The following PRIM2 variants were observed in gnomAD, a reference collection of about 807,000 sequenced individuals.
PRIM2 encodes DNA primase subunit 2, also known as DNA primase large subunit.
A neutral mutation model predicts 67.3 loss-of-function variants in PRIM2; 39 were observed. The observed-to-expected ratio is 0.58, with a 90% CI of 0.45 to 0.76. The LOEUF is 0.76. Ranked by LOEUF, PRIM2 falls within the 30% of genes least tolerant of loss-of-function variation. PRIM2 has a pLI of 0.00. For synonymous variants in PRIM2, 143 were observed against 198.7 expected (o/e 0.72, Z 2.36); for missense variants, 398 against 598.7 (o/e 0.66, Z 3.50).
At chr6:57,447,768 A>G (rs1449779455) in intron 7 of PRIM2, among the ~76,000 whole-genome samples, 5 of 152,252 alleles carry the variant, frequency 3.3e-5, no homozygotes, top group South Asian at 2.1e-4. Flanking sequence ...TATCTTTCAC[A>G]TGATTCATTC....
chr6:57,589,108 G>GT (rs1337414774), intron 10 of PRIM2, among the ~76,000 whole-genome samples: 1 of 152,184 alleles, frequency 6.6e-6, no homozygotes, highest in African/African-American at 2.4e-5. Context: ...GGTCCATTTA[G>GT]TTTTTTCAAA....
At chr6:57,292,919 A>G in the PRIM2 span, among the ~76,000 whole-genome samples, 1 of 152,234 alleles carries the variant, frequency 6.6e-6, no homozygotes, top group Non-Finnish European at 1.5e-5. Flanking sequence ...CATTCAGGAC[A>G]TAGGCATGGG....
intron 5 of PRIM2, among the ~76,000 whole-genome samples, chr6:57,366,643 C>T (rs1422279817): frequency 2.0e-5 from 3 of 152,072 alleles, no homozygotes; most frequent in African/African-American, 2.4e-5. Flanking sequence ...GTTGTGATGT[C>T]GACAAGATTT....
the PRIM2 span, among the ~76,000 whole-genome samples, chr6:57,257,292 A>G: frequency 2.0e-5 from 3 of 146,498 alleles, no homozygotes; most frequent in African/African-American, 7.6e-5. Flanking sequence ...TTTTTGTGAG[A>G]TGGAGTCTTG....
chr6:57,350,579 T>C (rs1768828884), intron 5 of PRIM2, among the ~76,000 whole-genome samples: 1 of 152,148 alleles, frequency 6.6e-6, no homozygotes, highest in Non-Finnish European at 1.5e-5. Context: ...CGGGGTGATC[T>C]CTTTCCCTTG....
At chr6:57,228,359 G>A in the PRIM2 span, among the ~76,000 whole-genome samples, 16 of 152,322 alleles carry the variant, frequency 1.1e-4, no homozygotes, top group Non-Finnish European at 1.6e-4. Context: ...AATGTGTAAG[G>A]CAGGTTGAGA....
intron 7 of PRIM2, among the ~76,000 whole-genome samples, chr6:57,413,206 A>T (rs1246811447): frequency 7.9e-5 from 12 of 151,930 alleles, no homozygotes; most frequent in Middle Eastern, 3.4e-3. Context: ...TGAAGGTAGA[A>T]AATTTGGTCT....
At chr6:57,335,451 T>TA (rs1435327831) in intron 5 of PRIM2, among the ~76,000 whole-genome samples, 2 of 152,044 alleles carry the variant, frequency 1.3e-5, no homozygotes, top group African/African-American at 4.8e-5. Flanking sequence ...TCTGCAGACT[T>TA]AAACGTCCCT....
At chr6:57,440,482 T>C (rs1772169705) in intron 7 of PRIM2, among the ~76,000 whole-genome samples, 2 of 152,198 alleles carry the variant, frequency 1.3e-5, no homozygotes, top group Admixed American at 6.5e-5. Context: ...GAATTAGAAG[T>C]TAATACCTGG....
intron 11 of PRIM2, among the ~76,000 whole-genome samples, chr6:57,602,055 C>T (rs1332214617): frequency 1.5e-5 from 2 of 137,394 alleles, no homozygotes; most frequent in African/African-American, 2.9e-5. Context: ...TATATATAAA[C>T]ATAGATTTTT....
intron 7 of PRIM2, among the ~76,000 whole-genome samples, chr6:57,457,061 C>G (rs1185390129): frequency 1.3e-5 from 2 of 152,142 alleles, no homozygotes; most frequent in Non-Finnish European, 2.9e-5. Context: ...CACTCCAGAC[C>G]CTGTTTGTCT....
intron 6 of PRIM2, 21 bp downstream of exon 6, chr6:57,380,017 CT>C: frequency 6.5e-7 from 1 of 1,530,872 alleles, no homozygotes. Flanking sequence ...ATGTAAAATA[CT>C]TCCTAGGTTT....
chr6:57,631,589 A>G, intron 12 of PRIM2, among the ~76,000 whole-genome samples: 1 of 152,244 alleles, frequency 6.6e-6, no homozygotes, highest in East Asian at 1.9e-4. Context: ...AAAAAGGACA[A>G]ATCTGACTGA....
rs73752124 is a variant in PRIM2 at position 57,418,117 on chromosome 6, G to A, written c.693+35949G>A. ...TTTAAAAAATGCCTCAACAAACAAG[G>A]GAGAATAGGAGGTACTTATAAAGAA... On this transcript the variant is annotated intron_variant, in intron 7 of 13. Transcript: ENST00000615550. Among the ~76,000 whole-genome samples, 131 of 152,132 alleles carry A rather than the reference G, an allele frequency of 8.6e-4. 1 individual carries two copies. Among genetic ancestry groups the A allele is most frequent in the African/African-American group, 3.0e-3 (124 of 41,518 alleles).
At chr6:57,414,059 G>A (rs1258928313) in intron 7 of PRIM2, among the ~76,000 whole-genome samples, 2 of 152,112 alleles carry the variant, frequency 1.3e-5, no homozygotes, top group Non-Finnish European at 2.9e-5. Flanking sequence ...ATTTAGTTAA[G>A]GGGGAAACAA....
At chr6:57,344,221 T>C (rs1768595330) in intron 5 of PRIM2, among the ~76,000 whole-genome samples, 1 of 151,334 alleles carries the variant, frequency 6.6e-6, no homozygotes, top group South Asian at 2.1e-4. Flanking sequence ...TCTCTGAGTG[T>C]TGAGTGAATG....
chr6:57,544,493 T>C (rs1775245437), intron 10 of PRIM2, among the ~76,000 whole-genome samples: 1 of 152,240 alleles, frequency 6.6e-6, no homozygotes, highest in South Asian at 2.1e-4. Context: ...CTCTGTCAGA[T>C]GTATTAAGTG....
chr6:57,500,651 T>A (rs1202818512), intron 7 of PRIM2, among the ~76,000 whole-genome samples: 5 of 152,350 alleles, frequency 3.3e-5, no homozygotes, highest in African/African-American at 1.2e-4. Context: ...TTTGATTAGT[T>A]AAGGCGGTCT....
chr6:57,369,032 C>T lies in PRIM2; in HGVS notation c.460-10869C>T, dbSNP rs536330226. On this transcript the variant is annotated intron_variant, in intron 5 of 13. Transcript: ENST00000615550. ...AAAGCTTTTGCTTAGGAATAACACA[C>T]GTCACTTCCACTCACATTTCACTGG... Among the ~76,000 whole-genome samples, 769 of 152,320 alleles carry T rather than the reference C, an allele frequency of 5.0e-3. 9 individuals carry two copies. The highest frequency in any genetic ancestry group is 0.018 in the African/African-American group (728 of 41,576).
Sources: gnomAD v4.1 joint callset for allele counts (sites outside exome capture counted in the v4.1 genomes callset) on GRCh38, gnomAD v4.1.1 for gene constraint, MANE v1.5 for transcripts, NCBI Gene and HGNC (gene_info 2026-07-23, HGNC 2026-07-21) for gene names.